Variants in SVEP1 observed in about 807,000 individuals in gnomAD.
SVEP1 encodes sushi, von Willebrand factor type A, EGF and pentraxin domain containing 1, also known as sushi, von Willebrand factor type A, EGF and pentraxin domain-containing protein 1.
A neutral mutation model predicts 367.3 loss-of-function variants in SVEP1; 164 were observed. The observed-to-expected ratio is 0.45, with a 90% CI of 0.39 to 0.51. The LOEUF is 0.51. Ranked by LOEUF, SVEP1 falls within the 20% of genes least tolerant of loss-of-function variation. The probability of loss-of-function intolerance (pLI) is 0.00; values close to 1 mark genes in which losing one functional copy is unlikely to be tolerated. For missense variants in SVEP1, 4,117 were observed against 4,425.3 expected, an observed-to-expected ratio of 0.93 and a Z score of 1.98; for synonymous variants, 1,666 against 1,611.6, an observed-to-expected ratio of 1.03 and a Z score of -0.81.
At chr9:110,487,246 C>A (rs902423497) in intron 9 of SVEP1, among the ~76,000 whole-genome samples, 1 of 152,198 alleles carries the variant, frequency 6.6e-6, no homozygotes, top group Non-Finnish European at 1.5e-5. Context: ...TGAGCCATCA[C>A]ACCTGGCCCT....
intron 43 of SVEP1, among the ~76,000 whole-genome samples, chr9:110,382,272 T>C (rs972799317): frequency 6.6e-5 from 10 of 152,220 alleles, no homozygotes; most frequent in Non-Finnish European, 7.3e-5. Context: ...AAGGCAGGCC[T>C]GGTGGTGATG....
chr9:110,494,896 T>C (rs1470284353), intron 8 of SVEP1, among the ~76,000 whole-genome samples: 1 of 152,168 alleles, frequency 6.6e-6, no homozygotes, highest in Admixed American at 6.6e-5. Context: ...ATTCACACAG[T>C]AGTGCAGATT....
chr9:110,471,544 G>A lies in SVEP1; in HGVS notation c.2818C>T (p.Gln940Ter). 6.2e-7 allele frequency: 1 copy of A among 1,613,906 alleles called. No homozygotes were observed. The highest frequency in any genetic ancestry group is 8.5e-7 in the Non-Finnish European group (1 of 1,179,858). The change falls in exon 16 of 48, where the codon CAA (glutamine) becomes TAA (stop). Residue 940 changes from glutamine to a stop codon, truncating the protein, a stop_gained. Coordinates refer to ENST00000374469, the MANE Select transcript of SVEP1 (RefSeq NM_153366.4). LOFTEE classifies it high-confidence loss of function. ...RNDTLEWENQ[Q>*]RLLQTLETIT... Reference sequence around the variant, plus strand: ...GTTTCCAATGTCTGAAGGAGTCGTTGCTGATTTTCCCATTCAAGGGTATCA... The same window carrying A: ...GTTTCCAATGTCTGAAGGAGTCGTTACTGATTTTCCCATTCAAGGGTATCA...
rs759439724 is a variant in SVEP1, at chr9:110,443,563, C to T, written c.4621G>A (p.Val1541Ile). 3 of 1,608,364 alleles carry T rather than the reference C, an allele frequency of 1.9e-6. No homozygotes were observed. The highest frequency in any genetic ancestry group is 1.1e-5 in the South Asian group (1 of 89,884). ...KLSDGGAGLSVGLPIPGGGAL... is the reference protein window; with the variant it reads ...KLSDGGAGLSIGLPIPGGGAL... ...AACATACCAGGTATGGGCAAACCAA[C>T]AGAGAGGCCAGCACCACCGTCAGAT... Residue 1541 changes from valine to isoleucine, a missense_variant, in exon 27 of 48, where the codon GTT (valine) becomes ATT (isoleucine). By Grantham distance (29) the Val-to-Ile change is conservative. Coordinates refer to ENST00000374469, the MANE Select transcript of SVEP1 (RefSeq NM_153366.4).
In SVEP1 at chr9:110,579,370, CCCCG is replaced by C; in HGVS notation, c.170_173del (p.Ala57GlyfsTer68). The C allele has an allele frequency of 6.4e-7, 1 of 1,560,194 alleles. No individual in the cohort carries two copies. The highest frequency in any genetic ancestry group is 8.7e-7 in the Non-Finnish European group (1 of 1,153,418). On this transcript the variant is annotated frameshift_variant, in exon 1 of 48. Coordinates refer to ENST00000374469, the MANE Select transcript of SVEP1 (RefSeq NM_153366.4). LOFTEE classifies it high-confidence loss of function. This position sits in a 1 kb window ranked among gnomAD's most constrained non-coding sequence, Gnocchi z 5.3. ...CCTGGCCCAGCCGCTCCACTCTGCT[CCCCG>C]CCGCTTCGTCGCCAGGAGCGGGCGG...
Position 110,546,135 on chromosome 9 carries a change from C to A in SVEP1, c.944G>T (p.Gly315Val). 6.4e-7 allele frequency: 1 copy of A among 1,552,610 alleles called. No individual in the cohort carries two copies. The highest frequency in any genetic ancestry group is 8.7e-7 in the Non-Finnish European group (1 of 1,147,254). ...CTCACCTGTGCATTCATACTGCAGACCTTTCCCGTAATACCCCTTTTCACA... is the reference window on the plus strand; with the variant it reads ...CTCACCTGTGCATTCATACTGCAGAACTTTCCCGTAATACCCCTTTTCACA... ...CICEKGYYGK[G>V]LQYECTACPS... is the part of the protein sequence containing the mutation. The change falls in exon 3 of 48, where the codon GGT (glycine) becomes GTT (valine). Residue 315 changes from glycine (G) to valine (V), a missense_variant. Gly to Val is a moderately radical substitution (Grantham distance 109). This residue lies in a region of SVEP1 where 2,174 missense variants were observed against 2,494.3 expected (regional missense o/e 0.87). Coordinates refer to ENST00000374469, the MANE Select transcript of SVEP1 (RefSeq NM_153366.4).
intron 23 of SVEP1, among the ~76,000 whole-genome samples, chr9:110,450,470 T>C (rs1187982820): frequency 2.2e-5 from 3 of 134,632 alleles, no homozygotes; most frequent in African/African-American, 1.0e-4. Context: ...ATAATCTGTT[T>C]TTTTTTTTTT....
At position 110,496,882 on chromosome 9, in the gene SVEP1, A is replaced by G; in HGVS notation, c.1733T>C (p.Leu578Pro). Residue 578 changes from leucine (L) to proline (P), a missense_variant, in exon 8 of 48, where the codon CTG (leucine) becomes CCG (proline). Leu to Pro is a moderately conservative substitution (Grantham distance 98, BLOSUM62 -3). Coordinates refer to ENST00000374469, the MANE Select transcript of SVEP1 (RefSeq NM_153366.4). ...NCPKDIEAKT[L>P]EQQDSANVTW... ...AACATTGGCAGAATCTTGCTGTTCC[A>G]GAGTCTTAGCCTCTATGTCCTTAGG... 3 of 1,557,294 alleles carry G rather than the reference A, an allele frequency of 1.9e-6. No individual in the cohort carries two copies. Among genetic ancestry groups the G allele is most frequent in the Non-Finnish European group, 2.6e-6 (3 of 1,149,114 alleles).
Position 110,475,552 on chromosome 9 carries a change from T to C in SVEP1, c.2599+652A>G, listed in dbSNP as rs563617958. On this transcript the variant is annotated intron_variant, in intron 14 of 47. Coordinates refer to ENST00000374469, the MANE Select transcript of SVEP1 (RefSeq NM_153366.4). ...TATTATTATTATCTTTTTTTTTTTT[T>C]TGATACAAAGTCTCACTTTGTTGCC... 4.0e-5 allele frequency among the ~76,000 whole-genome samples: 6 copies of C among 151,808 alleles called. No individual in the cohort carries two copies. The South Asian group carries it at 1.3e-3, about 32-fold the overall frequency.
chr9:110,404,590 G>T, intron 38 of SVEP1, 38 bp from the exon 39 acceptor site: 1 of 1,566,530 alleles, frequency 6.4e-7, no homozygotes, highest in Non-Finnish European at 8.8e-7. Context: ...CTTAAATGAA[G>T]TACAATATAG....
chr9:110,564,064 G>A (rs893327988), intron 1 of SVEP1, among the ~76,000 whole-genome samples: 3 of 152,156 alleles, frequency 2.0e-5, no homozygotes, highest in African/African-American at 7.2e-5. Context: ...TGGGGGCATG[G>A]TCCTCAGTGA....
At chr9:110,513,648 T>C (rs1829756875) in intron 4 of SVEP1, among the ~76,000 whole-genome samples, 1 of 152,208 alleles carries the variant, frequency 6.6e-6, no homozygotes. Flanking sequence ...TCAAATTTGT[T>C]GTTAAAATTG....
chr9:110,551,592 G>A (rs1431668618), intron 1 of SVEP1, among the ~76,000 whole-genome samples: 3 of 152,136 alleles, frequency 2.0e-5, no homozygotes, highest in East Asian at 1.9e-4. Flanking sequence ...CTTCTGCGAC[G>A]GAGTAGCATT....
rs1287602485 is a variant in SVEP1, at chr9:110,579,259, GCCCACGCTGGACGAATCATCCA to G, written c.263_284del (p.Val88AlafsTer31). 1.3e-6 allele frequency: 2 copies of G among 1,570,888 alleles called. No individual in the cohort carries two copies. Among genetic ancestry groups the G allele is most frequent in the Non-Finnish European group, 1.7e-6 (2 of 1,159,304 alleles). ...TGAGCTCGCTGCGGAAGTTGACTTCGCCCACGCTGGACGAATCATCCACCAGGAAGACAAGCTCCAGGCGCTC... is the reference window on the plus strand; with the variant it reads ...TGAGCTCGCTGCGGAAGTTGACTTCGCCAGGAAGACAAGCTCCAGGCGCTC... On this transcript the variant is annotated frameshift_variant, in exon 1 of 48. Transcript: ENST00000374469. LOFTEE classifies it high-confidence loss of function. The surrounding 1 kb of genome is among the most constrained non-coding windows in gnomAD (Gnocchi z 5.3).
At chr9:110,543,346 C>T (rs1219896741) in intron 3 of SVEP1, among the ~76,000 whole-genome samples, 1 of 152,116 alleles carries the variant, frequency 6.6e-6, no homozygotes, top group Non-Finnish European at 1.5e-5. Flanking sequence ...TAAGCTGAGG[C>T]TTACTAATTT....
At chr9:110,455,121 ACACACACATATT>A (rs1250469503) in intron 22 of SVEP1, among the ~76,000 whole-genome samples, 1 of 152,226 alleles carries the variant, frequency 6.6e-6, no homozygotes, top group Non-Finnish European at 1.5e-5. Flanking sequence ...TAATAATTAT[ACACACACATATT>A]CACACACACA....
intron 14 of SVEP1, among the ~76,000 whole-genome samples, chr9:110,474,069 C>T (rs1409067356): frequency 2.6e-5 from 4 of 152,282 alleles, no homozygotes; most frequent in East Asian, 1.9e-4. Context: ...GGCATGATCT[C>T]GGCCCACTGC....
At chr9:110,505,809 TC>T (rs1829616776) in intron 5 of SVEP1, among the ~76,000 whole-genome samples, 1 of 145,936 alleles carries the variant, frequency 6.9e-6, no homozygotes, top group African/African-American at 2.4e-5. Context: ...TCTCTTATTT[TC>T]TTTTCTCTCT....
intron 36 of SVEP1, among the ~76,000 whole-genome samples, chr9:110,412,452 C>A (rs911941753): frequency 6.6e-6 from 1 of 152,112 alleles, no homozygotes; most frequent in Non-Finnish European, 1.5e-5. Context: ...TAGAAGAAAA[C>A]CTAGGCAATA....
Sources: gnomAD v4.1 joint callset for allele counts (sites outside exome capture counted in the v4.1 genomes callset) on GRCh38, gnomAD v4.1.1 for gene constraint, gnomAD v4.1.1 regional missense constraint, Gnocchi (gnomAD v3.1) non-coding constraint, MANE v1.5 for transcripts, NCBI Gene and HGNC (gene_info 2026-07-23, HGNC 2026-07-21) for gene names.